Variants in CD109 observed in about 807,000 individuals in gnomAD.
CD109 encodes the protein CD109 antigen.
CD109 carries 149 observed loss-of-function variants against 165.8 expected under a neutral mutation model. That is an observed-to-expected ratio of 0.90 (90% CI 0.79 to 1.03). The LOEUF (loss-of-function observed/expected upper bound fraction) is 1.03. Among genes scored for constraint, CD109 ranks in the 50% least tolerant of loss-of-function variants. The pLI is 0.00. For missense variants in CD109, 1,712 were observed against 1,677.8 expected, an observed-to-expected ratio of 1.02 and a Z score of -0.36; for synonymous variants, 585 against 592.1, an observed-to-expected ratio of 0.99 and a Z score of 0.18.
intron 26 of CD109, 46 bp from the exon 27 acceptor site, chr6:73,809,938 A>T (rs773981504): frequency 1.4e-5 from 21 of 1,493,396 alleles, no homozygotes; most frequent in Non-Finnish European, 1.8e-5. Flanking sequence ...ATAAAATGTA[A>T]TTTTTCTGGA....
intron 14 of CD109, among the ~76,000 whole-genome samples, chr6:73,769,070 G>A (rs912263151): frequency 3.3e-5 from 5 of 151,424 alleles, no homozygotes; most frequent in African/African-American, 7.3e-5. Context: ...TTGTATTTTC[G>A]GTAGAGAGAG....
In CD109 at chr6:73,754,787, A is replaced by G. The variant is rs371532973; in HGVS notation, c.634-1856A>G. ...TTAAGCTAAGCCCTGGAAAATGGGG[A>G]GGGATGGAAGTACATATAAGTCAAG... On this transcript the variant is annotated intron_variant, in intron 5 of 32. Transcript: ENST00000287097. 2.0e-5 allele frequency among the ~76,000 whole-genome samples: 3 copies of G among 152,298 alleles called. No individual in the cohort carries two copies. In the East Asian group the frequency reaches 5.8e-4, roughly 29 times the overall value.
chr6:73,756,285 T>C (rs1247026408), intron 5 of CD109, among the ~76,000 whole-genome samples: 1 of 152,254 alleles, frequency 6.6e-6, no homozygotes, highest in Non-Finnish European at 1.5e-5. Flanking sequence ...TAGTTTGACC[T>C]GTGTTATCTT....
At chr6:73,714,309 C>T (rs1284217747) in intron 2 of CD109, among the ~76,000 whole-genome samples, 1 of 152,204 alleles carries the variant, frequency 6.6e-6, no homozygotes, top group East Asian at 1.9e-4. Flanking sequence ...TGGTGGCCTC[C>T]CTCCTGGGGA....
chr6:73,715,360 T>C (rs1771696022), intron 2 of CD109, among the ~76,000 whole-genome samples: 5 of 151,894 alleles, frequency 3.3e-5, no homozygotes, highest in Admixed American at 3.3e-4. Flanking sequence ...CCTAGGAGTT[T>C]GAGAGCAGCC....
chr6:73,815,197 G>T lies in CD109; in HGVS notation c.3911+74G>T, dbSNP rs531622577. On this transcript the variant is annotated intron_variant, in intron 30 of 32. Transcript: ENST00000287097. ...CTTGAAGGTTTAATTATGTATAGTT[G>T]TCTATATCAATCTAAGAGTTATATT... The T allele has an allele frequency of 6.5e-5, 81 of 1,254,882 alleles. No homozygotes were observed. The Admixed American group carries it at 1.2e-3, about 19-fold the overall frequency. The allele number at this position is 1,254,882 out of a possible 1,614,324, so 77.7% of individuals were successfully genotyped here. A position where few individuals can be genotyped will look rare whatever the true frequency, so the allele number is the denominator to read the frequency against.
chr6:73,812,414 T>G, intron 29 of CD109, 144 bp downstream of exon 29: 1 of 566,672 alleles, frequency 1.8e-6, no homozygotes, highest in Non-Finnish European at 3.1e-6. Context: ...ATCACTGTCT[T>G]TAATAAAAAG....
chr6:73,770,697 G>A (rs553338877), intron 14 of CD109, among the ~76,000 whole-genome samples: 19 of 152,306 alleles, frequency 1.2e-4, no homozygotes, highest in African/African-American at 4.6e-4. Context: ...GCAGTGAGCC[G>A]AGATTGTGCC....
the CD109 span, among the ~76,000 whole-genome samples, chr6:73,681,298 A>T: frequency 6.6e-6 from 1 of 151,070 alleles, no homozygotes; most frequent in South Asian, 2.1e-4. Context: ...AGCTAATTAT[A>T]ATATCCATCA....
chr6:73,754,944 C>T (rs937497019), intron 5 of CD109, among the ~76,000 whole-genome samples: 6 of 152,178 alleles, frequency 3.9e-5, no homozygotes, highest in African/African-American at 1.4e-4. Flanking sequence ...TTTATAGAGC[C>T]TCACATGGTG....
At chr6:73,817,243 G>T (rs746639252) in intron 30 of CD109, among the ~76,000 whole-genome samples, 67 of 152,186 alleles carry the variant, frequency 4.4e-4, no homozygotes, top group Non-Finnish European at 6.9e-4. Context: ...AGAGAGATCA[G>T]ATCAACCAAG....
At chr6:73,688,761 GTTTT>G in the CD109 span, among the ~76,000 whole-genome samples, 177 of 73,526 alleles carry the variant, frequency 2.4e-3, no homozygotes, top group Admixed American at 3.8e-3. Context: ...GTTTTTCTTT[GTTTT>G]TTTTTTTTTT....
chr6:73,691,221 C>T (rs1220281819), upstream of CD109, among the ~76,000 whole-genome samples: 1 of 152,208 alleles, frequency 6.6e-6, no homozygotes, highest in Admixed American at 6.5e-5. Flanking sequence ...AGGCAACTAA[C>T]TGCTCCCTGC....
chr6:73,763,547 C>G (rs748573024), intron 9 of CD109, 29 bp from the exon 10 acceptor site: 45 of 1,269,824 alleles, frequency 3.5e-5, no homozygotes, highest in Admixed American at 1.1e-4. Flanking sequence ...ATTACTTTTG[C>G]TTTCTAAATT....
chr6:73,699,956 C>T (rs1391504507), intron 2 of CD109, among the ~76,000 whole-genome samples: 1 of 152,212 alleles, frequency 6.6e-6, no homozygotes, highest in Non-Finnish European at 1.5e-5. Flanking sequence ...TATCTGGCTT[C>T]TCCAGTTGTA....
intron 5 of CD109, among the ~76,000 whole-genome samples, chr6:73,737,146 G>A (rs1221080552): frequency 1.3e-5 from 2 of 151,970 alleles, no homozygotes; most frequent in Non-Finnish European, 2.9e-5. Context: ...GATATAAATT[G>A]GTCATTTAGT....
chr6:73,768,342 A>G, intron 14 of CD109, 111 bp downstream of exon 14: 1 of 653,176 alleles, frequency 1.5e-6, no homozygotes. Context: ...AGAAATTTAT[A>G]TTATTCTATT....
At chr6:73,746,981 C>T (rs144036804) in intron 5 of CD109, among the ~76,000 whole-genome samples, 85 of 152,320 alleles carry the variant, frequency 5.6e-4, no homozygotes, top group African/African-American at 1.9e-3. Context: ...TCACAGAGAA[C>T]ACAGTCATCA....
At chr6:73,819,182 T>A (rs1776033655) in intron 31 of CD109, among the ~76,000 whole-genome samples, 1 of 152,248 alleles carries the variant, frequency 6.6e-6, no homozygotes, top group African/African-American at 2.4e-5. Flanking sequence ...TCCATGAAGC[T>A]TTTAACAAAC....
Sources: allele counts gnomAD v4.1 joint callset (sites outside exome capture counted in the v4.1 genomes callset), GRCh38; gene constraint gnomAD v4.1.1; transcripts MANE v1.5; gene names NCBI Gene and HGNC (gene_info 2026-07-23, HGNC 2026-07-21).